EPC1: variants seen among roughly 807,000 people sequenced by gnomAD.
EPC1 encodes enhancer of polycomb homolog 1.
A neutral mutation model predicts 98.4 loss-of-function variants in EPC1; 12 were observed. The observed-to-expected ratio is 0.12, with a 90% CI of 0.08 to 0.20. EPC1 has a LOEUF of 0.20. EPC1 is among the 10% of genes least tolerant of loss of function. The pLI, the probability that EPC1 is intolerant of heterozygous loss-of-function variation, is 1.00. For synonymous variants in EPC1, 357 were observed against 363.9 expected, an observed-to-expected ratio of 0.98 and a Z score of 0.21; for missense variants, 729 against 990.5, an observed-to-expected ratio of 0.74 and a Z score of 3.54.
chr10:32,329,325 A>G (rs1837498622), intron 1 of EPC1, among the ~76,000 whole-genome samples: 1 of 152,118 alleles, frequency 6.6e-6, no homozygotes, highest in African/African-American at 2.4e-5. Flanking sequence ...ATAGTACAGA[A>G]CCCCCAAATC....
At chr10:32,333,850 A>G (rs1837790968) in intron 1 of EPC1, among the ~76,000 whole-genome samples, 1 of 152,240 alleles carries the variant, frequency 6.6e-6, no homozygotes, top group Non-Finnish European at 1.5e-5. Flanking sequence ...ATTTTCAACT[A>G]ATAGATTGAC....
chr10:32,267,848 T>C lies in EPC1; in HGVS notation c.*1215A>G, dbSNP rs1212196392. The C allele has an allele frequency of 6.6e-6, 1 of 152,348 alleles. No homozygotes were observed. Among genetic ancestry groups the C allele is most frequent in the East Asian group, 1.9e-4 (1 of 5,188 alleles). 9.4% of individuals were successfully genotyped at this position (152,348 alleles called of 1,614,324 possible). ...AAAACCTTAAGGATAATGTATGCCA[T>C]TGGACTGGGCATTCAGACTTCGGTA... On this transcript the variant is annotated 3_prime_UTR_variant, in exon 14 of 14. Transcript: ENST00000319778.
chr10:32,376,368 G>A (rs1285367917), intron 1 of EPC1, among the ~76,000 whole-genome samples: 1 of 151,998 alleles, frequency 6.6e-6, no homozygotes, highest in African/African-American at 2.4e-5. Flanking sequence ...AGCAATACAT[G>A]TGTTGGAAAG....
At chr10:32,306,877 CACACACACAA>C (rs1477146411) in intron 1 of EPC1, among the ~76,000 whole-genome samples, 2 of 151,964 alleles carry the variant, frequency 1.3e-5, no homozygotes, top group Non-Finnish European at 2.9e-5. Flanking sequence ...CACACACACA[CACACACACAA>C]ACAAGTTCAT....
chr10:32,299,276 C>T (rs969872334), intron 2 of EPC1, among the ~76,000 whole-genome samples: 7 of 152,140 alleles, frequency 4.6e-5, no homozygotes, highest in African/African-American at 1.7e-4. Flanking sequence ...ACCTCTGCCT[C>T]CTGAGTTCAA....
Position 32,293,728 on chromosome 10 carries a change from A to G in EPC1, c.323T>C (p.Leu108Ser), listed in dbSNP as rs1308020849. The change falls in exon 3 of 14, where the codon TTG becomes TCG. Residue 108 changes from leucine (L) to serine (S), a missense_variant. Leu to Ser is a moderately radical substitution (Grantham distance 145). Around this residue, in one of 6 missense-constraint regions of EPC1, gnomAD observed 94 missense variants for 125.1 expected, o/e 0.75. Coordinates refer to ENST00000319778, the MANE Select transcript of EPC1 (RefSeq NM_001272004.3). ...KQLIHIQPFSLDAEQPDYDLD... is the reference protein window; with the variant it reads ...KQLIHIQPFSSDAEQPDYDLD... ...ATCATAATCAGGCTGTTCAGCATCC[A>G]AACTAAAAGCTGACAGAAGGAACCA... 4.3e-6 allele frequency: 7 copies of G among 1,611,022 alleles called. No homozygotes were observed. The highest frequency in any genetic ancestry group is 5.9e-6 in the Non-Finnish European group (7 of 1,178,434).
chr10:32,347,003 C>T lies in EPC1; in HGVS notation c.-88G>A, dbSNP rs1039872172. ...AACCGGGGGTTCGGTCCCCACTCGC[C>T]AACCGCTGCCGGGGACTTGAGGGGC... is the stretch of plus-strand genomic sequence containing the variant. On this transcript the variant is annotated 5_prime_UTR_variant, in exon 1 of 14. Transcript: ENST00000319778. 1.3e-6 allele frequency: 2 copies of T among 1,544,080 alleles called. No homozygotes were observed. The highest frequency in any genetic ancestry group is 2.7e-5 in the African/African-American group (2 of 73,650).
At chr10:32,317,440 G>C (rs1055214905) in intron 1 of EPC1, among the ~76,000 whole-genome samples, 2 of 152,080 alleles carry the variant, frequency 1.3e-5, no homozygotes, top group Non-Finnish European at 2.9e-5. Context: ...TCAGGAGTTC[G>C]AGATCAGCCT....
intron 1 of EPC1, among the ~76,000 whole-genome samples, chr10:32,318,353 ATCTG>A (rs1217761562): frequency 3.9e-5 from 6 of 152,150 alleles, no homozygotes; most frequent in East Asian, 1.9e-4. Context: ...ACTAATTTAA[ATCTG>A]TCTAAAAGTG....
chr10:32,272,882 G>A (rs1835907285), intron 11 of EPC1: 1 of 683,144 alleles, frequency 1.5e-6, no homozygotes, highest in African/African-American at 1.8e-5. Flanking sequence ...GAACTGGGTG[G>A]GGTTATATAT....
At chr10:32,334,730 G>A (rs1459051808) in intron 1 of EPC1, among the ~76,000 whole-genome samples, 1 of 152,172 alleles carries the variant, frequency 6.6e-6, no homozygotes, top group Non-Finnish European at 1.5e-5. Context: ...CTCTGGGATA[G>A]TCAAAAGTCA....
chr10:32,288,312 C>CTTTTTTTTTTT, intron 6 of EPC1, among the ~76,000 whole-genome samples: 1 of 124,102 alleles, frequency 8.1e-6, no homozygotes, highest in Non-Finnish European at 1.6e-5. Flanking sequence ...TTACTTTTTT[C>CTTTTTTTTTTT]TTTTTTTTTT....
intron 1 of EPC1, among the ~76,000 whole-genome samples, chr10:32,364,001 C>CCTT (rs770520611): frequency 0.05 from 3,071 of 61,846 alleles, 1,271 homozygotes; most frequent in Non-Finnish European, 0.065. Flanking sequence ...ATCATGTTGG[C>CCTT]ATTTTTTTTT....
chr10:32,348,395 AC>A (rs2133075851), upstream of EPC1, among the ~76,000 whole-genome samples: 1 of 152,308 alleles, frequency 6.6e-6, no homozygotes, highest in East Asian at 1.9e-4. Context: ...ACAAAAAGAT[AC>A]AAAAATGTTT....
intron 1 of EPC1, among the ~76,000 whole-genome samples, chr10:32,339,909 C>G (rs979700252): frequency 2.0e-5 from 3 of 152,072 alleles, no homozygotes; most frequent in Non-Finnish European, 4.4e-5. Context: ...CCTTAGGATA[C>G]ACAATTGCTA....
chr10:32,270,038 C>T (rs1369371409), intron 13 of EPC1, among the ~76,000 whole-genome samples: 1 of 152,188 alleles, frequency 6.6e-6, no homozygotes, highest in African/African-American at 2.4e-5. Flanking sequence ...CTTCTAAACA[C>T]TTGTATTTCC....
intron 1 of EPC1, among the ~76,000 whole-genome samples, chr10:32,322,416 T>C (rs1836983548): frequency 6.6e-6 from 1 of 152,122 alleles, no homozygotes. Context: ...AAAGCTACCA[T>C]AAAAGAAGTC....
At chr10:32,304,930 A>C (rs1007381020) in intron 2 of EPC1, among the ~76,000 whole-genome samples, 1 of 151,618 alleles carries the variant, frequency 6.6e-6, no homozygotes. Context: ...AAAAAAAAAA[A>C]AAAAAAGAAA....
intron 1 of EPC1, among the ~76,000 whole-genome samples, chr10:32,368,658 A>C (rs1839667462): frequency 1.3e-5 from 2 of 152,226 alleles, no homozygotes; most frequent in African/African-American, 4.8e-5. Flanking sequence ...GACTTAACAG[A>C]GTACTTGGAG....
Sources: gnomAD v4.1 joint callset for allele counts (sites outside exome capture counted in the v4.1 genomes callset) on GRCh38, gnomAD v4.1.1 for gene constraint, gnomAD v4.1.1 regional missense constraint, MANE v1.5 for transcripts, NCBI Gene and HGNC (gene_info 2026-07-23, HGNC 2026-07-21) for gene names.